The following TMEM184C variants were observed in gnomAD, a reference collection of about 807,000 sequenced individuals.
TMEM184C encodes transmembrane protein 184C, also known as transmembrane protein 34.
Under a neutral mutation model 54.5 loss-of-function variants are expected in TMEM184C, and 25 were observed. That is an observed-to-expected ratio of 0.46 (90% CI 0.33 to 0.64). The LOEUF (loss-of-function observed/expected upper bound fraction) is 0.64, where lower values mean the gene tolerates loss of function less well. Among genes scored for constraint, TMEM184C ranks in the 30% least tolerant of loss-of-function variants. The pLI, the probability that TMEM184C is intolerant of heterozygous loss-of-function variation, is 0.02. For synonymous variants in TMEM184C, 148 were observed against 181.5 expected, an observed-to-expected ratio of 0.82 and a Z score of 1.49; for missense variants, 335 against 520.3, an observed-to-expected ratio of 0.64 and a Z score of 3.46.
In TMEM184C at chr4:147,632,976, GTA is replaced by G; in HGVS notation, c.854_855del (p.Val285GlyfsTer15). The G allele has an allele frequency of 6.2e-7, 1 of 1,614,108 alleles. No individual in the cohort carries two copies. Among genetic ancestry groups the G allele is most frequent in the Non-Finnish European group, 8.5e-7 (1 of 1,179,970 alleles). ...SEKHTWEWQT[V>X]EAVATGLQDF... ...AAAGCATACGTGGGAATGGCAAACTGTAGAAGCTGTGGCCACCGGACTCCAGG... is the reference window on the plus strand; with the variant it reads ...AAAGCATACGTGGGAATGGCAAACTGGAAGCTGTGGCCACCGGACTCCAGG... On this transcript the variant is annotated frameshift_variant, in exon 8 of 10. Coordinates refer to ENST00000296582, the MANE Select transcript of TMEM184C (RefSeq NM_018241.3). LOFTEE classifies it high-confidence loss of function.
At chr4:147,619,516 C>T (rs760995124) in intron 1 of TMEM184C, among the ~76,000 whole-genome samples, 1 of 152,068 alleles carries the variant, frequency 6.6e-6, no homozygotes. Context: ...TTTTAATGGC[C>T]ATGTAATATT....
chr4:147,628,020 G>T (rs189958311), intron 4 of TMEM184C, among the ~76,000 whole-genome samples: 21 of 152,180 alleles, frequency 1.4e-4, no homozygotes, highest in Admixed American at 3.9e-4. Context: ...TTAGCCAGGT[G>T]TGGTGGTATG....
intron 1 of TMEM184C, among the ~76,000 whole-genome samples, chr4:147,622,374 A>G (rs1396535573): frequency 6.6e-6 from 1 of 152,246 alleles, no homozygotes; most frequent in East Asian, 1.9e-4. Flanking sequence ...AAAATATTAA[A>G]TGAAAAATTT....
Position 147,631,551 on chromosome 4 carries a change from T to TA in TMEM184C, c.779+51dup, listed in dbSNP as rs749725475. 1.2e-5 allele frequency: 17 copies of TA among 1,397,320 alleles called. No homozygotes were observed. In the African/African-American group the frequency reaches 2.4e-4, roughly 20 times the overall value. The allele number at this position is 1,397,320 out of a possible 1,614,324, so 86.6% of individuals were successfully genotyped here. On this transcript the variant is annotated intron_variant, in intron 7 of 9. Transcript: ENST00000296582. Reference sequence around the variant, plus strand: ...AATGTTCTCATTTTTTTAAGGGCAGTAAAAACCGTTGATTAAGGAGGATTT... The same window carrying TA: ...AATGTTCTCATTTTTTTAAGGGCAGTAAAAAACCGTTGATTAAGGAGGATTT...
At chr4:147,621,023 TC>T (rs1332417919) in intron 1 of TMEM184C, among the ~76,000 whole-genome samples, 3 of 152,216 alleles carry the variant, frequency 2.0e-5, no homozygotes, top group African/African-American at 7.2e-5. Context: ...TGGAAGCTCA[TC>T]CCATGCCCAT....
rs142829176 is a variant in TMEM184C at position 147,625,709 on chromosome 4, A to G, written c.497+700A>G. On this transcript the variant is annotated intron_variant, in intron 4 of 9. Coordinates refer to ENST00000296582, the MANE Select transcript of TMEM184C (RefSeq NM_018241.3). The stretch of plus-strand genomic sequence containing the variant: ...GGGGATGAGATTGGAATAGAAAAGA[A>G]AGGCAATAAGAGAATGCAACTGAAA... 4.3e-3 allele frequency among the ~76,000 whole-genome samples: 659 copies of G among 152,322 alleles called. 7 individuals carry two copies. Among genetic ancestry groups the G allele is most frequent in the African/African-American group, 0.015 (642 of 41,566 alleles).
intron 7 of TMEM184C, among the ~76,000 whole-genome samples, chr4:147,632,392 A>G (rs1395688742): frequency 1.3e-5 from 2 of 152,114 alleles, no homozygotes; most frequent in Admixed American, 1.3e-4. Context: ...GAATTCGACA[A>G]TGTTCAGTAG....
At chr4:147,631,347 A>T (rs764422701) in intron 6 of TMEM184C, 46 bp from the exon 7 acceptor site, 11 of 1,391,216 alleles carry the variant, frequency 7.9e-6, no homozygotes, top group Non-Finnish European at 1.1e-5. Flanking sequence ...TATTTCTATT[A>T]CCATATCTAT....
chr4:147,624,278 T>C (rs1238849604), intron 3 of TMEM184C, among the ~76,000 whole-genome samples, 180 bp downstream of exon 3: 1 of 152,104 alleles, frequency 6.6e-6, no homozygotes, highest in Non-Finnish European at 1.5e-5. Context: ...AAATGTTATA[T>C]TATAAATGTT....
rs552213251 is a variant in TMEM184C, at chr4:147,635,519, GAAAAT to G, written c.*1090_*1094del. 5 of 152,080 alleles carry G rather than the reference GAAAAT, an allele frequency of 3.3e-5. No individual in the cohort carries two copies. The highest frequency in any genetic ancestry group is 7.4e-5 in the Non-Finnish European group (5 of 67,990). 9.4% of individuals were successfully genotyped at this position (152,080 alleles called of 1,614,324 possible). A position where few individuals can be genotyped will look rare whatever the true frequency, so the allele number is the denominator to read the frequency against. On this transcript the variant is annotated 3_prime_UTR_variant, in exon 10 of 10. Transcript: ENST00000296582. Reference sequence around the variant, plus strand: ...TGGGTCATGTTTGACATTTTATAATGAAAATAAAACAGAAAGTGCCATAGTATGTT... The same window carrying G: ...TGGGTCATGTTTGACATTTTATAATGAAAACAGAAAGTGCCATAGTATGTT...
At chr4:147,619,703 G>T (rs1026694540) in intron 1 of TMEM184C, among the ~76,000 whole-genome samples, 10 of 152,180 alleles carry the variant, frequency 6.6e-5, no homozygotes, top group Admixed American at 6.5e-4. Flanking sequence ...TATCAGTCCA[G>T]TTTAAGACTT....
rs1336754354 is a variant in TMEM184C, at chr4:147,634,172, G to A, written c.1055G>A (p.Arg352Gln). 1.6e-5 allele frequency: 26 copies of A among 1,612,004 alleles called. No homozygotes were observed. Among genetic ancestry groups the A allele is most frequent in the East Asian group, 2.2e-5 (1 of 44,842 alleles). Residue 352 changes from arginine (R) to glutamine (Q), a missense_variant, in exon 10 of 10, where the codon CGG becomes CAG. Transcript: ENST00000296582. The part of the protein sequence containing the change: ...DISEQVRHVG[R>Q]TVRGHPRKKL... The stretch of plus-strand genomic sequence containing the variant: ...AACAGAAAACTTTATATTAAAGGAC[G>A]GACAGTCAGGGGACATCCCAGGAAA...
intron 1 of TMEM184C, among the ~76,000 whole-genome samples, chr4:147,623,618 C>G (rs1732756355): frequency 6.9e-6 from 1 of 144,870 alleles, no homozygotes; most frequent in Non-Finnish European, 1.5e-5. Context: ...AGTCCCCCCT[C>G]CCCCACAAAT....
intron 1 of TMEM184C, among the ~76,000 whole-genome samples, chr4:147,623,062 GT>G (rs996858343): frequency 6.6e-6 from 1 of 152,118 alleles, no homozygotes; most frequent in African/African-American, 2.4e-5. Context: ...GTGGAAATTT[GT>G]TGTTGTAAAA....
intron 4 of TMEM184C, among the ~76,000 whole-genome samples, chr4:147,625,418 A>T (rs1732795831): frequency 6.6e-6 from 1 of 152,244 alleles, no homozygotes; most frequent in African/African-American, 2.4e-5. Flanking sequence ...TTGGTAACAT[A>T]ATACATCAGC....
chr4:147,624,135 CTTGT>C (rs769954077), intron 3 of TMEM184C, 37 bp downstream of exon 3: 157 of 1,528,716 alleles, frequency 1.0e-4, no homozygotes, highest in Non-Finnish European at 1.4e-4. Context: ...TAACTAAGGA[CTTGT>C]TTGATGATAC....
chr4:147,634,229 A>T lies in TMEM184C; in HGVS notation c.1112A>T (p.Glu371Val). 6.2e-7 allele frequency: 1 copy of T among 1,614,184 alleles called. No homozygotes were observed. The highest frequency in any genetic ancestry group is 2.2e-5 in the East Asian group (1 of 44,874). ...TTTCCCGAGGATCAAGATCAAAATG[A>T]ACATACAAGTTTATTATCATCATCA... ...KLFPEDQDQN[E>V]HTSLLSSSSQ... The change falls in exon 10 of 10, where the codon GAA becomes GTA. Residue 371 changes from glutamate to valine, a missense_variant. Physicochemically the swap from Glu to Val is moderately radical, Grantham distance 121. Transcript: ENST00000296582.
rs1168075978 is a variant in TMEM184C, at chr4:147,636,277, A to G, written c.*1843A>G. On this transcript the variant is annotated 3_prime_UTR_variant, in exon 10 of 10. Coordinates refer to ENST00000296582, the MANE Select transcript of TMEM184C (RefSeq NM_018241.3). ...ATGGTACTGGTATAAAAACACATAC[A>G]CAGGCCAGTGGGACAGAAGAAAGAG... 1 of 152,202 alleles carries G rather than the reference A, an allele frequency of 6.6e-6. No homozygotes were observed. The highest frequency in any genetic ancestry group is 3.2e-3 in the Middle Eastern group (1 of 316). The allele number at this position is 152,202 out of a possible 1,614,324, so 9.4% of individuals were successfully genotyped here.
At chr4:147,629,165 T>G (rs1366095471) in intron 5 of TMEM184C, among the ~76,000 whole-genome samples, 4 of 152,052 alleles carry the variant, frequency 2.6e-5, no homozygotes, top group Non-Finnish European at 5.9e-5. Flanking sequence ...GGGATCTGGG[T>G]CTTCATAAAA....
Sources: gnomAD v4.1 joint callset for allele counts (sites outside exome capture counted in the v4.1 genomes callset) on GRCh38, gnomAD v4.1.1 for gene constraint, MANE v1.5 for transcripts, NCBI Gene and HGNC (gene_info 2026-07-23, HGNC 2026-07-21) for gene names.